Variants in ABCC4 observed in about 807,000 individuals in gnomAD.
The protein encoded by ABCC4 is ATP-binding cassette sub-family C member 4.
ABCC4 carries 102 observed loss-of-function variants against 168.5 expected under a neutral mutation model. The observed-to-expected ratio is 0.61, with a 90% CI of 0.52 to 0.71. The LOEUF (loss-of-function observed/expected upper bound fraction) is 0.71. Among genes scored for constraint, ABCC4 ranks in the 30% least tolerant of loss-of-function variants. ABCC4 has a pLI of 0.00. For missense variants in ABCC4, 1,402 were observed against 1,605.8 expected, an observed-to-expected ratio of 0.87 and a Z score of 2.17; for synonymous variants, 617 against 590.7, an observed-to-expected ratio of 1.04 and a Z score of -0.65.
At chr13:95,174,162 G>A (rs2037580152) in intron 13 of ABCC4, among the ~76,000 whole-genome samples, 1 of 152,172 alleles carries the variant, frequency 6.6e-6, no homozygotes, top group African/African-American at 2.4e-5. Context: ...CAACAAATTG[G>A]ATTAGCATCC....
chr13:95,166,418 TTAACC>T, intron 14 of ABCC4, 51 bp from the exon 15 acceptor site: 12 of 1,462,036 alleles, frequency 8.2e-6, no homozygotes, highest in Non-Finnish European at 1.0e-5. Context: ...GGTGATAATG[TTAACC>T]TAATCTAATT....
In ABCC4 at chr13:95,206,542, C is replaced by A; in HGVS notation, c.1151G>T (p.Arg384Leu). 1 of 1,613,682 alleles carries A rather than the reference C, an allele frequency of 6.2e-7. No homozygotes were observed. ...GCATCTGACACCAACCTGGATTCTTCGGATGCTGACGATTGCCTCTGACAC... is the reference window on the plus strand; with the variant it reads ...GCATCTGACACCAACCTGGATTCTTAGGATGCTGACGATTGCCTCTGACAC... ...ERVSEAIVSI[R>L]RIQTFLLLDE... Residue 384 changes from arginine (R) to leucine (L), a missense_variant, in exon 8 of 31, where the codon CGA becomes CTA. Physicochemically the swap from Arg to Leu is moderately radical, Grantham distance 102. This residue lies in a region of ABCC4 where 78 missense variants were observed against 133.0 expected (regional missense o/e 0.59). Coordinates refer to ENST00000645237, the MANE Select transcript of ABCC4 (RefSeq NM_005845.5).
intron 19 of ABCC4, among the ~76,000 whole-genome samples, chr13:95,145,230 G>C (rs899476697): frequency 6.6e-6 from 1 of 152,162 alleles, no homozygotes; most frequent in Non-Finnish European, 1.5e-5. Context: ...AAGCAGTCTG[G>C]AGACTTCTCA....
intron 29 of ABCC4, among the ~76,000 whole-genome samples, chr13:95,043,045 C>T (rs1593994901): frequency 6.6e-6 from 1 of 152,204 alleles, no homozygotes; most frequent in East Asian, 1.9e-4. Flanking sequence ...GCTGAGATTA[C>T]AGGCATGAGC....
chr13:95,179,139 C>A (rs2037807985), intron 11 of ABCC4, among the ~76,000 whole-genome samples: 1 of 152,180 alleles, frequency 6.6e-6, no homozygotes, highest in African/African-American at 2.4e-5. Context: ...ACCGTGAGGG[C>A]TGTCAGCATA....
At chr13:95,103,732 C>G (rs564274482) in intron 20 of ABCC4, among the ~76,000 whole-genome samples, 1 of 152,174 alleles carries the variant, frequency 6.6e-6, no homozygotes, top group African/African-American at 2.4e-5. Flanking sequence ...ATCTTTCTGA[C>G]AGTCTCCCAT....
At chr13:95,224,224 A>G (rs572632365) in intron 4 of ABCC4, among the ~76,000 whole-genome samples, 1 of 151,824 alleles carries the variant, frequency 6.6e-6, no homozygotes, top group Non-Finnish European at 1.5e-5. Context: ...AAAGAGAAAC[A>G]TTACAAACAA....
At chr13:95,233,224 T>A (rs2039672931) in intron 4 of ABCC4, among the ~76,000 whole-genome samples, 1 of 152,084 alleles carries the variant, frequency 6.6e-6, no homozygotes, top group Non-Finnish European at 1.5e-5. Context: ...GTACACAATG[T>A]ACATTGTATA....
intron 21 of ABCC4, among the ~76,000 whole-genome samples, chr13:95,076,765 T>C (rs968738374): frequency 2.6e-5 from 4 of 151,246 alleles, no homozygotes; most frequent in African/African-American, 9.7e-5. Context: ...GCACCTGGCC[T>C]GTTGGGTTTT....
intron 26 of ABCC4, among the ~76,000 whole-genome samples, chr13:95,057,214 C>T (rs1195699828): frequency 2.6e-5 from 4 of 151,836 alleles, no homozygotes; most frequent in Non-Finnish European, 5.9e-5. Flanking sequence ...ATTTTGAATA[C>T]AAATTGAGGG....
At chr13:95,097,596 T>C (rs1195967153) in intron 20 of ABCC4, among the ~76,000 whole-genome samples, 3 of 116,862 alleles carry the variant, frequency 2.6e-5, no homozygotes, top group Non-Finnish European at 6.3e-5. Context: ...TACATTCTTT[T>C]TTTTTTTTTT....
chr13:95,110,678 G>A (rs1341222196), intron 20 of ABCC4, among the ~76,000 whole-genome samples: 1 of 152,076 alleles, frequency 6.6e-6, no homozygotes, highest in Non-Finnish European at 1.5e-5. Flanking sequence ...AAGTAATCAA[G>A]CACTTCTGGC....
At chr13:95,293,617 C>G (rs564858746) in intron 1 of ABCC4, among the ~76,000 whole-genome samples, 2 of 151,488 alleles carry the variant, frequency 1.3e-5, no homozygotes, top group African/African-American at 4.8e-5. Context: ...CAGGTGCATG[C>G]CACCACGCCC....
At chr13:95,276,300 A>C (rs575231666) in intron 1 of ABCC4, among the ~76,000 whole-genome samples, 4 of 151,844 alleles carry the variant, frequency 2.6e-5, no homozygotes, top group African/African-American at 7.2e-5. Flanking sequence ...CTGTGGTCCC[A>C]GCTATTCCAG....
At chr13:95,187,911 G>A (rs1379564685) in intron 10 of ABCC4, among the ~76,000 whole-genome samples, 1 of 152,154 alleles carries the variant, frequency 6.6e-6, no homozygotes, top group Non-Finnish European at 1.5e-5. Context: ...TCACCTGTTT[G>A]TATATCTGTC....
intron 1 of ABCC4, among the ~76,000 whole-genome samples, chr13:95,260,952 C>T (rs1345283670): frequency 2.0e-5 from 3 of 151,220 alleles, no homozygotes; most frequent in Non-Finnish European, 4.4e-5. Flanking sequence ...CCTGCTTGGT[C>T]GTAACTCTGT....
chr13:95,174,941 CAT>C (rs2037616658), intron 13 of ABCC4, among the ~76,000 whole-genome samples: 1 of 152,204 alleles, frequency 6.6e-6, no homozygotes, highest in Non-Finnish European at 1.5e-5. Flanking sequence ...ATAGACAAGA[CAT>C]AACATTTACC....
intron 19 of ABCC4, among the ~76,000 whole-genome samples, chr13:95,158,778 T>C (rs1445483582): frequency 6.6e-6 from 1 of 152,000 alleles, no homozygotes; most frequent in East Asian, 1.9e-4. Flanking sequence ...TTTATTTATA[T>C]TATAAAGCCG....
chr13:95,181,428 G>A (rs919656497), intron 11 of ABCC4, among the ~76,000 whole-genome samples: 1 of 152,140 alleles, frequency 6.6e-6, no homozygotes, highest in African/African-American at 2.4e-5. Context: ...CTTCTTTCAG[G>A]GCCCAGCTCA....
Sources: gnomAD v4.1 joint callset for allele counts (sites outside exome capture counted in the v4.1 genomes callset) on GRCh38, gnomAD v4.1.1 for gene constraint, gnomAD v4.1.1 regional missense constraint, MANE v1.5 for transcripts, NCBI Gene and HGNC (gene_info 2026-07-23, HGNC 2026-07-21) for gene names.